Variants in FNDC3A observed in about 807,000 individuals in gnomAD.
FNDC3A encodes the protein fibronectin type III domain containing 3A.
Under a neutral mutation model 148.9 loss-of-function variants are expected in FNDC3A, and 32 were observed. The ratio of observed to expected loss-of-function variants is 0.21; its 90% CI spans 0.16 to 0.29. The LOEUF (loss-of-function observed/expected upper bound fraction) is 0.29. Among genes scored for constraint, FNDC3A ranks in the 10% least tolerant of loss-of-function variants. The pLI is 1.00. For synonymous variants in FNDC3A, 472 were observed against 473.6 expected (o/e 1.00, Z 0.04); for missense variants, 1,191 against 1,452.8 (o/e 0.82, Z 2.93).
Position 49,075,429 on chromosome 13 carries a change from A to G in FNDC3A, c.175+65A>G, listed in dbSNP as rs929352665. 2.8e-5 allele frequency: 24 copies of G among 865,788 alleles called. No individual in the cohort carries two copies. In the African/African-American group the frequency reaches 3.9e-4, roughly 14 times the overall value. 53.6% of individuals were successfully genotyped at this position (865,788 alleles called of 1,614,324 possible). On this transcript the variant is annotated intron_variant, in intron 3 of 25. Coordinates refer to ENST00000492622, the MANE Select transcript of FNDC3A (RefSeq NM_001079673.2). ...AAACCCCAAAAATTTATGATACATAATAGTGTATATGCCTATGGTTTCTTC... is the reference window on the plus strand; with the variant it reads ...AAACCCCAAAAATTTATGATACATAGTAGTGTATATGCCTATGGTTTCTTC...
chr13:49,149,795 G>T (rs1883185544), intron 8 of FNDC3A, among the ~76,000 whole-genome samples: 1 of 152,204 alleles, frequency 6.6e-6, no homozygotes, highest in Non-Finnish European at 1.5e-5. Context: ...GGTAGAATTT[G>T]TCAGTGAAGC....
intron 2 of FNDC3A, among the ~76,000 whole-genome samples, chr13:49,057,037 A>G (rs2137726587): frequency 6.6e-6 from 1 of 152,310 alleles, no homozygotes; most frequent in African/African-American, 2.4e-5. Context: ...AACTTGGTTT[A>G]AGGATATGTC....
At chr13:49,092,757 T>C (rs1219162036) in intron 3 of FNDC3A, among the ~76,000 whole-genome samples, 2 of 149,778 alleles carry the variant, frequency 1.3e-5, no homozygotes, top group African/African-American at 4.9e-5. Flanking sequence ...ACCACTCCAA[T>C]GTTAAAAAAA....
At chr13:49,116,834 A>G (rs1021491101) in intron 4 of FNDC3A, among the ~76,000 whole-genome samples, 1 of 152,074 alleles carries the variant, frequency 6.6e-6, no homozygotes, top group Non-Finnish European at 1.5e-5. Context: ...TATATTTTAC[A>G]AGAGTGGTCG....
At chr13:48,992,986 A>G (rs189140774) in intron 1 of FNDC3A, among the ~76,000 whole-genome samples, 260 of 152,312 alleles carry the variant, frequency 1.7e-3, no homozygotes, top group African/African-American at 6.1e-3. Context: ...GGAAATAGCA[A>G]CTTCAATCTA....
intron 7 of FNDC3A, among the ~76,000 whole-genome samples, chr13:49,141,569 C>G (rs1363706480): frequency 2.6e-5 from 4 of 152,096 alleles, no homozygotes; most frequent in Non-Finnish European, 4.4e-5. Context: ...TTTAGTATTT[C>G]TGGAAATCCA....
chr13:49,000,712 G>T (rs1377519038), intron 1 of FNDC3A, among the ~76,000 whole-genome samples: 1 of 152,116 alleles, frequency 6.6e-6, no homozygotes, highest in Non-Finnish European at 1.5e-5. Flanking sequence ...TGAACCTGGG[G>T]TGTTTCTGCA....
intron 3 of FNDC3A, among the ~76,000 whole-genome samples, chr13:49,106,032 C>T (rs1007965987): frequency 6.6e-6 from 1 of 152,198 alleles, no homozygotes; most frequent in African/African-American, 2.4e-5. Flanking sequence ...CTTTTCTCCC[C>T]CTTCACTCAT....
intron 2 of FNDC3A, among the ~76,000 whole-genome samples, chr13:49,041,188 G>A (rs1258686598): frequency 1.3e-5 from 2 of 152,112 alleles, no homozygotes; most frequent in African/African-American, 2.4e-5. Context: ...AATCTGGCAT[G>A]TTGGCGAAAG....
chr13:49,110,365 A>T lies in FNDC3A; in HGVS notation c.176-4290A>T. 3.7e-6 allele frequency: 6 copies of T among 1,611,316 alleles called. No homozygotes were observed. In the South Asian group the frequency reaches 4.4e-5, roughly 12 times the overall value. ...GTGTACTACGCTGTTTCCTTGTTGG[A>T]TTTTCTTGTTCTCTGCTGCTACTGT... On this transcript the variant is annotated intron_variant, in intron 3 of 25. Coordinates refer to ENST00000492622, the MANE Select transcript of FNDC3A (RefSeq NM_001079673.2).
At chr13:49,124,636 C>G (rs557630442) in intron 4 of FNDC3A, among the ~76,000 whole-genome samples, 23 of 152,046 alleles carry the variant, frequency 1.5e-4, no homozygotes, top group Non-Finnish European at 3.4e-4. Flanking sequence ...TTAGGCAGAA[C>G]CTTAATGAGC....
At chr13:49,159,749 G>A (rs1367088042) in intron 8 of FNDC3A, among the ~76,000 whole-genome samples, 2 of 152,188 alleles carry the variant, frequency 1.3e-5, no homozygotes, top group African/African-American at 4.8e-5. Flanking sequence ...GATACTGGCT[G>A]TGGGTTTGTC....
intron 3 of FNDC3A, among the ~76,000 whole-genome samples, chr13:49,086,559 A>C (rs1878828530): frequency 1.3e-5 from 2 of 152,224 alleles, no homozygotes; most frequent in South Asian, 4.1e-4. Flanking sequence ...TTTGCATTAC[A>C]GCAAATCAGA....
chr13:49,175,550 A>G lies in FNDC3A; in HGVS notation c.1530+9A>G. On this transcript the variant is annotated intron_variant, in intron 13 of 25. Coordinates refer to ENST00000492622, the MANE Select transcript of FNDC3A (RefSeq NM_001079673.2). ...TGGAGGAAGAAACTTCAGTAAGTGC[A>G]AATATGGATTTTAAATAGTGTATTT... is the stretch of plus-strand genomic sequence containing the variant. The G allele has an allele frequency of 6.3e-7, 1 of 1,581,162 alleles. No individual in the cohort carries two copies. Among genetic ancestry groups the G allele is most frequent in the Non-Finnish European group, 8.6e-7 (1 of 1,158,100 alleles).
intron 2 of FNDC3A, among the ~76,000 whole-genome samples, chr13:49,016,447 A>AT (rs1872785766): frequency 6.6e-6 from 1 of 152,064 alleles, no homozygotes; most frequent in African/African-American, 2.4e-5. Flanking sequence ...ATCTGGTGAT[A>AT]TCCCCTTTAT....
intron 3 of FNDC3A, among the ~76,000 whole-genome samples, chr13:49,077,813 T>G (rs1341437841): frequency 6.6e-6 from 1 of 152,226 alleles, no homozygotes; most frequent in East Asian, 1.9e-4. Flanking sequence ...AAAATTTCTC[T>G]AAGTTAATTT....
chr13:49,019,420 T>G (rs1243029039), intron 2 of FNDC3A, among the ~76,000 whole-genome samples: 1 of 152,234 alleles, frequency 6.6e-6, no homozygotes, highest in African/African-American at 2.4e-5. Flanking sequence ...CCCTGACCCC[T>G]TGTGCTTCCG....
chr13:49,197,616 A>C, intron 20 of FNDC3A, 109 bp from the exon 21 acceptor site: 1 of 838,712 alleles, frequency 1.2e-6, no homozygotes, highest in South Asian at 1.8e-5. Flanking sequence ...GTTTTAAAGA[A>C]ACTCAAAAGC....
chr13:49,161,628 G>A (rs560601765), intron 8 of FNDC3A, among the ~76,000 whole-genome samples: 2 of 152,186 alleles, frequency 1.3e-5, no homozygotes, highest in African/African-American at 4.8e-5. Context: ...ATTGTTATGC[G>A]TGAATTTGAT....
Sources: allele counts gnomAD v4.1 joint callset (sites outside exome capture counted in the v4.1 genomes callset), GRCh38; gene constraint gnomAD v4.1.1; transcripts MANE v1.5; gene names NCBI Gene and HGNC (gene_info 2026-07-23, HGNC 2026-07-21).